The following XKRX variants were observed in gnomAD, a reference collection of about 807,000 sequenced individuals.
XKRX encodes the protein XK related X-linked, also known as XK-related protein 2.
Under a neutral mutation model 22.4 loss-of-function variants are expected in XKRX, and 11 were observed. That is an observed-to-expected ratio of 0.49 (90% confidence interval 0.31 to 0.81). The LOEUF is 0.81. Among genes scored for constraint, XKRX ranks in the 40% least tolerant of loss-of-function variants. The pLI is 0.05. For missense variants in XKRX, 320 were observed against 336.5 expected (o/e 0.95, Z 0.38); for synonymous variants, 114 against 132.2 (o/e 0.86, Z 0.94).
chrX:100,902,986 T>C, the XKRX span, among the ~76,000 whole-genome samples: 1 of 108,657 alleles, frequency 9.2e-6, no homozygotes, highest in Non-Finnish European at 1.9e-5. Flanking sequence ...CCTGACCTCA[T>C]GATCCACCCA....
At chrX:100,896,707 G>A in the XKRX span, among the ~76,000 whole-genome samples, 3 of 111,606 alleles carry the variant, frequency 2.7e-5, no homozygotes, top group African/African-American at 9.8e-5. Context: ...GCTCACGCCT[G>A]TAATACCAGC....
chrX:100,951,212 C>T, the XKRX span, among the ~76,000 whole-genome samples: 22 of 79,370 alleles, frequency 2.8e-4, 1 homozygote, highest in South Asian at 4.7e-3. Context: ...CCAGCTTGGG[C>T]GACAAGAGCG....
chrX:100,930,325 AATG>A (rs57252641), upstream of XKRX, among the ~76,000 whole-genome samples: 1 of 103,198 alleles, frequency 9.7e-6, no homozygotes, highest in South Asian at 4.3e-4. Context: ...TAATAATAAT[AATG>A]ATGATTATGT....
chrX:100,890,672 G>A, the XKRX span, among the ~76,000 whole-genome samples: 2 of 110,550 alleles, frequency 1.8e-5, no homozygotes, highest in African/African-American at 6.6e-5. Flanking sequence ...CCAACATGTA[G>A]TGGCTGAAAA....
At chrX:100,903,704 A>T in the XKRX span, among the ~76,000 whole-genome samples, 31 of 112,021 alleles carry the variant, frequency 2.8e-4, no homozygotes, top group East Asian at 8.3e-3. Context: ...ATGACATATG[A>T]TGTCAAATAT....
At chrX:100,900,769 G>C in the XKRX span, among the ~76,000 whole-genome samples, 2 of 106,625 alleles carry the variant, frequency 1.9e-5, no homozygotes, top group African/African-American at 6.8e-5. Flanking sequence ...CTATCCTCGA[G>C]ACCCAGCTTC....
intron 2 of XKRX, among the ~76,000 whole-genome samples, chrX:100,920,022 T>C (rs1163974784): frequency 9.0e-6 from 1 of 111,231 alleles, no homozygotes; most frequent in African/African-American, 3.3e-5. Context: ...ATAGGGCTCC[T>C]GCTGCCCCTC....
chrX:100,948,557 A>G, the XKRX span, among the ~76,000 whole-genome samples: 299 of 112,482 alleles, frequency 2.7e-3, no homozygotes, highest in Admixed American at 4.1e-3. Context: ...AGACCCAAAA[A>G]AAGAGCCCCT....
chrX:100,915,703 T>TGTGTGTGC (rs2085431327), intron 2 of XKRX, among the ~76,000 whole-genome samples: 1 of 103,240 alleles, frequency 9.7e-6, no homozygotes, highest in Non-Finnish European at 1.9e-5. Context: ...TGTGTGTGTG[T>TGTGTGTGC]GTGTGCGTGT....
chrX:100,948,169 T>C, the XKRX span, among the ~76,000 whole-genome samples: 1 of 110,772 alleles, frequency 9.0e-6, no homozygotes, highest in Non-Finnish European at 1.9e-5. Context: ...GCCTACCAAA[T>C]TGCTGGGATT....
rs530194802 is a variant in XKRX at position 100,915,487 on chromosome X, G to A, written c.605-404C>T. ...AGCCATTATGGAAAACAGCATGGAG[G>A]TTCTCCAAAAAAATTACAAACAGAA... On this transcript the variant is annotated intron_variant, in intron 2 of 2. Transcript: ENST00000372956. 1.5e-4 allele frequency among the ~76,000 whole-genome samples: 17 copies of A among 111,124 alleles called. 1 individual carries two copies. Among genetic ancestry groups the A allele is most frequent in the African/African-American group, 5.2e-4 (16 of 30,567 alleles).
intron 1 of XKRX, among the ~76,000 whole-genome samples, chrX:100,927,466 C>A (rs1288946262): frequency 9.0e-6 from 1 of 111,125 alleles, no homozygotes; most frequent in East Asian, 2.9e-4. Flanking sequence ...GCCACCACAC[C>A]CGGCCTATAA....
At chrX:100,912,995 C>T (rs2085412137), downstream of XKRX, among the ~76,000 whole-genome samples, 1 of 110,070 alleles carries the variant, frequency 9.1e-6, no homozygotes, top group African/African-American at 3.3e-5. Flanking sequence ...GTCAGGAGTT[C>T]GAGACCAGCC....
intron 2 of XKRX, among the ~76,000 whole-genome samples, chrX:100,917,336 C>T (rs1208814231): frequency 2.8e-5 from 3 of 109,010 alleles, no homozygotes; most frequent in Admixed American, 2.0e-4. Flanking sequence ...TGGTTCCAGC[C>T]GTGCACACGG....
chrX:100,889,485 C>A, the XKRX span, among the ~76,000 whole-genome samples: 11 of 109,976 alleles, frequency 1.0e-4, no homozygotes, highest in East Asian at 3.2e-3. Flanking sequence ...AATCTTCCTG[C>A]GTCAGCCTTG....
chrX:100,894,254 G>A, the XKRX span, among the ~76,000 whole-genome samples: 10 of 111,684 alleles, frequency 9.0e-5, no homozygotes, highest in African/African-American at 2.9e-4. Flanking sequence ...GCAACAGAGC[G>A]AGACTCTGTC....
the XKRX span, among the ~76,000 whole-genome samples, chrX:100,894,768 G>T: frequency 8.9e-6 from 1 of 112,090 alleles, no homozygotes; most frequent in Non-Finnish European, 1.9e-5. Flanking sequence ...AATTGGTTTT[G>T]ATTGTAATCC....
intron 1 of XKRX, among the ~76,000 whole-genome samples, chrX:100,923,337 G>A: frequency 9.0e-6 from 1 of 111,602 alleles, no homozygotes; most frequent in African/African-American, 3.3e-5. Flanking sequence ...GTGTAGAGAG[G>A]AGATCTAGAC....
At chrX:100,947,166 C>A in the XKRX span, among the ~76,000 whole-genome samples, 1 of 112,138 alleles carries the variant, frequency 8.9e-6, no homozygotes, top group Non-Finnish European at 1.9e-5. Context: ...TTAGCTTTCC[C>A]ATTTCCCTAC....
Sources: gnomAD v4.1 joint callset for allele counts (sites outside exome capture counted in the v4.1 genomes callset) on GRCh38, gnomAD v4.1.1 for gene constraint, MANE v1.5 for transcripts, NCBI Gene and HGNC (gene_info 2026-07-23, HGNC 2026-07-21) for gene names.